The following TBCD variants were observed in gnomAD, a reference collection of about 807,000 sequenced individuals.
TBCD encodes the protein tubulin-specific chaperone D.
TBCD carries 105 observed loss-of-function variants against 169.3 expected under a neutral mutation model. That is an observed-to-expected ratio of 0.62 (90% CI 0.53 to 0.73). The LOEUF (loss-of-function observed/expected upper bound fraction) is 0.73. Among genes scored for constraint, TBCD ranks in the 30% least tolerant of loss-of-function variants. The pLI is 0.00. For missense variants in TBCD, 1,444 were observed against 1,600.1 expected, an observed-to-expected ratio of 0.90 and a Z score of 1.66; for synonymous variants, 700 against 643.9, an observed-to-expected ratio of 1.09 and a Z score of -1.32.
chr17:82,907,988 T>C (rs1047081727), intron 21 of TBCD, among the ~76,000 whole-genome samples, 167 bp downstream of exon 21: 3 of 152,224 alleles, frequency 2.0e-5, no homozygotes, highest in African/African-American at 7.2e-5. Context: ...GAACAGGCTC[T>C]CTGCTGGCGT....
chr17:82,909,293 T>C lies in TBCD; in HGVS notation c.1992T>C (p.Asp664=). 6.6e-7 allele frequency: 1 copy of C among 1,521,992 alleles called. No individual in the cohort carries two copies. 94.3% of individuals were successfully genotyped at this position (1,521,992 alleles called of 1,614,324 possible). A position where few individuals can be genotyped will look rare whatever the true frequency, so the allele number is the denominator to read the frequency against. The part of the protein sequence containing the change: ...GLKQIHQQLY[D]RQLYRGLGGQ... ...CAGTTTTTTATTTTCAGCTCTATGATCGTCAGTTATACAGGTGAGCTTTAC... is the reference window on the plus strand; with the variant it reads ...CAGTTTTTTATTTTCAGCTCTATGACCGTCAGTTATACAGGTGAGCTTTAC... The change falls in exon 22 of 39, where the codon GAT becomes GAC. Residue 664 remains aspartate (D), a synonymous_variant. Transcript: ENST00000355528.
At chr17:82,767,719 G>C (rs2048085565) in intron 4 of TBCD, among the ~76,000 whole-genome samples, 1 of 152,152 alleles carries the variant, frequency 6.6e-6, no homozygotes. Flanking sequence ...CAGTTTGGGA[G>C]GCCAAGGTGG....
At position 82,915,759 on chromosome 17, in the gene TBCD, G is replaced by T. The variant is rs1189982210; in HGVS notation, c.2038+3970G>T. 6.6e-6 allele frequency among the ~76,000 whole-genome samples: 1 copy of T among 152,210 alleles called. No homozygotes were observed. The highest frequency in any genetic ancestry group is 1.5e-5 in the Non-Finnish European group (1 of 68,038). ...AGAGGCGTCACGAGAATCAGGAAAA[G>T]TTCTCCTCTCATGCCGAAGACGGGA... is the stretch of plus-strand genomic sequence containing the variant. On this transcript the variant is annotated intron_variant, in intron 23 of 38. Transcript: ENST00000355528. The surrounding 1 kb of genome is among the most constrained non-coding windows in gnomAD (Gnocchi z 4.3).
chr17:82,911,872 G>T, intron 23 of TBCD, 83 bp downstream of exon 23: 1 of 1,458,082 alleles, frequency 6.9e-7, no homozygotes, highest in Non-Finnish European at 9.5e-7. Context: ...CGTGCAGGGC[G>T]GCCCATTAGC....
chr17:82,855,036 T>TCTCCCTGTGGCCTTC (rs373285039), intron 13 of TBCD, among the ~76,000 whole-genome samples: 6 of 152,014 alleles, frequency 3.9e-5, no homozygotes, highest in Admixed American at 6.5e-5. Flanking sequence ...GGGCGTCGCA[T>TCTCCCTGTGGCCTTC]CTCCCTGTGG....
At chr17:82,830,869 A>G in intron 13 of TBCD, 1 of 1,612,870 alleles carries the variant, frequency 6.2e-7, no homozygotes, top group Non-Finnish European at 8.5e-7. Context: ...TCCGTTCACA[A>G]CATTGAGGCT....
At position 82,915,193 on chromosome 17, in the gene TBCD, C is replaced by G. The variant is rs2060940733; in HGVS notation, c.2038+3404C>G. Among the ~76,000 whole-genome samples the G allele has an allele frequency of 6.6e-6, 1 of 152,138 alleles. No homozygotes were observed. Among genetic ancestry groups the G allele is most frequent in the African/African-American group, 2.4e-5 (1 of 41,448 alleles). On this transcript the variant is annotated intron_variant, in intron 23 of 38. Transcript: ENST00000355528. This position sits in a 1 kb window ranked among gnomAD's most constrained non-coding sequence, Gnocchi z 4.3. Reference sequence around the variant, plus strand: ...CAGGCCAGAGGATGGCGCCCTTACCCCCGAGGACGCCGGCATGTCGGTGAC... The same window carrying G: ...CAGGCCAGAGGATGGCGCCCTTACCGCCGAGGACGCCGGCATGTCGGTGAC...
At chr17:82,872,928 CGGCTTCTG>C (rs2057698220) in intron 14 of TBCD, among the ~76,000 whole-genome samples, 1 of 139,498 alleles carries the variant, frequency 7.2e-6, no homozygotes, top group Non-Finnish European at 1.5e-5. Context: ...TCGTGGCCGA[CGGCTTCTG>C]AGCCAGGCCC....
chr17:82,881,461 G>A (rs914420473), intron 14 of TBCD, among the ~76,000 whole-genome samples: 5 of 152,224 alleles, frequency 3.3e-5, no homozygotes, highest in Non-Finnish European at 5.9e-5. Flanking sequence ...AGCAGCCAGC[G>A]GGGAGAGCTG....
At chr17:82,911,620 T>A (rs1182721475) in intron 22 of TBCD, 138 bp from the exon 23 acceptor site, 1 of 784,494 alleles carries the variant, frequency 1.3e-6, no homozygotes, top group Non-Finnish European at 2.1e-6. Context: ...CATAAAAGGT[T>A]GCTCATGCTC....
rs759032280 is a variant in TBCD, at chr17:82,889,621, C to T, written c.1534-47C>T. The T allele has an allele frequency of 1.6e-5, 26 of 1,612,884 alleles. No homozygotes were observed. The highest frequency in any genetic ancestry group is 3.4e-4 in the Middle Eastern group (2 of 5,914). On this transcript the variant is annotated intron_variant, in intron 15 of 38. Coordinates refer to ENST00000355528, the MANE Select transcript of TBCD (RefSeq NM_005993.5). The surrounding 1 kb of genome is among the most constrained non-coding windows in gnomAD (Gnocchi z 5.3). ...GTTCTGAACTTGCCTCTGGTGTTGGCGGAAGCTGACCTCGCTCACCTGCTG... is the reference window on the plus strand; with the variant it reads ...GTTCTGAACTTGCCTCTGGTGTTGGTGGAAGCTGACCTCGCTCACCTGCTG...
At position 82,900,002 on chromosome 17, in the gene TBCD, A is replaced by G. The variant is rs545973115; in HGVS notation, c.1650-649A>G. Among the ~76,000 whole-genome samples the G allele has an allele frequency of 3.3e-5, 5 of 151,876 alleles. No individual in the cohort carries two copies. The East Asian group carries it at 7.7e-4, about 24-fold the overall frequency. ...CTGTTACAAGTCGGTTTGCCTTTTG[A>G]TTTTCTTAAAAGTTTTTAACAGCTT... On this transcript the variant is annotated intron_variant, in intron 17 of 38. Transcript: ENST00000355528.
Position 82,752,274 on chromosome 17 carries a change from G to A in TBCD, c.81G>A (p.Leu27=), listed in dbSNP as rs866113185. ...AGACACTGGCCTTTGGCGCGGCGCT[G>A]GAAGCGTTCGGCGAGAGCGCGGAGA... ...EDETLAFGAA[L]EAFGESAETR... The change falls in exon 1 of 39, where the codon CTG becomes CTA. Residue 27 remains leucine (L), a synonymous_variant. Transcript: ENST00000355528. The A allele has an allele frequency of 2.0e-6, 3 of 1,517,162 alleles. No individual in the cohort carries two copies. Among genetic ancestry groups the A allele is most frequent in the African/African-American group, 2.9e-5 (2 of 69,458 alleles). The allele number at this position is 1,517,162 out of a possible 1,614,324, so 94.0% of individuals were successfully genotyped here.
Position 82,814,887 on chromosome 17 carries a change from C to G in TBCD, c.1271C>G (p.Ala424Gly). Residue 424 changes from alanine (A) to glycine (G), a missense_variant, in exon 13 of 39, where the codon GCA becomes GGA. Ala to Gly is a moderately conservative substitution (Grantham distance 60). Transcript: ENST00000355528. ...TGGCATGGGGGATGTCTGGCGCTGG[C>G]AGAGCTGGGCAGGAGAGGCCTGTTG... is the stretch of plus-strand genomic sequence containing the variant. Reference protein sequence around the residue: ...KAWHGGCLALAELGRRGLLLP... With the variant: ...KAWHGGCLALGELGRRGLLLP... 1 of 1,613,294 alleles carries G rather than the reference C, an allele frequency of 6.2e-7. No homozygotes were observed. Among genetic ancestry groups the G allele is most frequent in the Non-Finnish European group, 8.5e-7 (1 of 1,179,700 alleles).
chr17:82,858,454 C>A, intron 13 of TBCD: 1 of 458,562 alleles, frequency 2.2e-6, no homozygotes, highest in Non-Finnish European at 2.9e-6. Flanking sequence ...GCCTATTCGG[C>A]ATTTAAAATA....
chr17:82,816,895 C>T (rs931635654), intron 13 of TBCD, among the ~76,000 whole-genome samples: 1 of 150,814 alleles, frequency 6.6e-6, no homozygotes, highest in Non-Finnish European at 1.5e-5. Flanking sequence ...TGTGAAGCGC[C>T]ACCTTGTTTT....
intron 15 of TBCD, among the ~76,000 whole-genome samples, chr17:82,886,858 C>T (rs1427892486): frequency 3.3e-5 from 5 of 150,840 alleles, no homozygotes; most frequent in Non-Finnish European, 5.9e-5. Context: ...TTAGTAGAGA[C>T]GGGGTTTCAC....
rs574512819 is a variant in TBCD at position 82,874,101 on chromosome 17, C to T, written c.1475+3721C>T. On this transcript the variant is annotated intron_variant, in intron 14 of 38. Coordinates refer to ENST00000355528, the MANE Select transcript of TBCD (RefSeq NM_005993.5). This position sits in a 1 kb window ranked among gnomAD's most constrained non-coding sequence, Gnocchi z 5.0. ...GCCCAGCTGGGTGTGGGGTTGAGCC[C>T]ATCATGCTGTGGGGTGCTCCCTGGG... is the stretch of plus-strand genomic sequence containing the variant. 1.1e-4 allele frequency among the ~76,000 whole-genome samples: 16 copies of T among 152,298 alleles called. No individual in the cohort carries two copies. The highest frequency in any genetic ancestry group is 3.6e-4 in the African/African-American group (15 of 41,566).
chr17:82,895,304 C>T (rs1052808671), intron 17 of TBCD, among the ~76,000 whole-genome samples: 1 of 152,180 alleles, frequency 6.6e-6, no homozygotes. Context: ...ACCCTAGTAC[C>T]GCGGGGCCCC....
Sources: allele counts gnomAD v4.1 joint callset (sites outside exome capture counted in the v4.1 genomes callset), GRCh38; gene constraint gnomAD v4.1.1; non-coding constraint Gnocchi (gnomAD v3.1); transcripts MANE v1.5; gene names NCBI Gene and HGNC (gene_info 2026-07-23, HGNC 2026-07-21).